ARHGAP25: variants seen among roughly 807,000 people sequenced by gnomAD.
The protein encoded by ARHGAP25 is Rho GTPase activating protein 25, also known as rho GTPase-activating protein 25.
Under a neutral mutation model 71.0 loss-of-function variants are expected in ARHGAP25, and 34 were observed. That is an observed-to-expected ratio of 0.48 (90% CI 0.36 to 0.64). ARHGAP25 has a LOEUF of 0.64. Ranked by LOEUF, ARHGAP25 falls within the 30% of genes least tolerant of loss-of-function variation. The probability of loss-of-function intolerance (pLI) is 0.00; values close to 1 mark genes in which losing one functional copy is unlikely to be tolerated. For missense variants in ARHGAP25, 706 were observed against 805.1 expected (o/e 0.88, Z 1.49); for synonymous variants, 282 against 296.5 (o/e 0.95, Z 0.50).
intron 2 of ARHGAP25, among the ~76,000 whole-genome samples, chr2:68,723,686 C>G (rs1674817786): frequency 6.6e-6 from 1 of 152,192 alleles, no homozygotes; most frequent in Admixed American, 6.5e-5. Flanking sequence ...AGTGATGGCC[C>G]TGGTGTTTTC....
intron 2 of ARHGAP25, 83 bp from the exon 3 acceptor site, chr2:68,782,150 C>T: frequency 8.1e-7 from 1 of 1,240,308 alleles, no homozygotes; most frequent in Non-Finnish European, 1.2e-6. Context: ...CCCATCCCAT[C>T]ATTATCCTAT....
intron 2 of ARHGAP25, among the ~76,000 whole-genome samples, chr2:68,727,998 A>G (rs1372183671): frequency 6.6e-6 from 1 of 152,254 alleles, no homozygotes; most frequent in African/African-American, 2.4e-5. Context: ...CATAGAAAAA[A>G]GTCTGCTGGA....
chr2:68,814,448 G>A (rs1445354232), intron 6 of ARHGAP25, among the ~76,000 whole-genome samples: 1 of 152,086 alleles, frequency 6.6e-6, no homozygotes, highest in Non-Finnish European at 1.5e-5. Flanking sequence ...GTTACATGTG[G>A]CAAGTAACTG....
At chr2:68,760,240 G>A (rs575202671) in intron 1 of ARHGAP25, among the ~76,000 whole-genome samples, 5 of 151,984 alleles carry the variant, frequency 3.3e-5, no homozygotes, top group Non-Finnish European at 7.4e-5. Context: ...CATACTCAAC[G>A]TTGAAAGACT....
At chr2:68,779,303 C>A (rs1168561793) in intron 2 of ARHGAP25, among the ~76,000 whole-genome samples, 2 of 152,118 alleles carry the variant, frequency 1.3e-5, no homozygotes, top group Admixed American at 6.5e-5. Context: ...AAGAGACATG[C>A]AATAGCACCA....
intron 4 of ARHGAP25, among the ~76,000 whole-genome samples, chr2:68,793,514 C>G (rs982914541): frequency 6.6e-6 from 1 of 152,126 alleles, no homozygotes; most frequent in African/African-American, 2.4e-5. Flanking sequence ...TTTCCCAGAA[C>G]CACTTATTGA....
At chr2:68,714,397 A>G (rs1234647321) in intron 2 of ARHGAP25, among the ~76,000 whole-genome samples, 1 of 151,812 alleles carries the variant, frequency 6.6e-6, no homozygotes, top group East Asian at 1.9e-4. Flanking sequence ...TAGTCTGGTT[A>G]GTGGTCTATG....
chr2:68,826,440 C>T lies in ARHGAP25; in HGVS notation c.*246C>T, dbSNP rs1213362988. ...ATGGATTGTTTTATTCCATTCTGGT[C>T]TCAGGCATGACCACGTCCAGTGAAG... On this transcript the variant is annotated 3_prime_UTR_variant, in exon 11 of 11. Coordinates refer to ENST00000409202, the MANE Select transcript of ARHGAP25 (RefSeq NM_001007231.3). 1.0e-5 allele frequency: 6 copies of T among 597,106 alleles called. No individual in the cohort carries two copies. The highest frequency in any genetic ancestry group is 9.2e-5 in the Admixed American group (4 of 43,584). 37.0% of individuals were successfully genotyped at this position (597,106 alleles called of 1,614,324 possible).
intron 1 of ARHGAP25, among the ~76,000 whole-genome samples, chr2:68,771,998 G>A (rs1457023941): frequency 1.3e-5 from 2 of 152,226 alleles, no homozygotes; most frequent in African/African-American, 4.8e-5. Context: ...ACTTACTCCT[G>A]CCTTTGCCAG....
At chr2:68,745,973 G>A (rs1047248088) in intron 1 of ARHGAP25, among the ~76,000 whole-genome samples, 13 of 152,114 alleles carry the variant, frequency 8.5e-5, no homozygotes, top group South Asian at 6.2e-4. Flanking sequence ...GCCCTTTTAC[G>A]AGGATCTTAA....
At chr2:68,718,392 A>G (rs2104252536) in intron 2 of ARHGAP25, among the ~76,000 whole-genome samples, 1 of 152,230 alleles carries the variant, frequency 6.6e-6, no homozygotes, top group South Asian at 2.1e-4. Context: ...TTCTACTTCT[A>G]CAGTCAAATC....
intron 4 of ARHGAP25, among the ~76,000 whole-genome samples, chr2:68,794,025 T>TA: frequency 6.6e-6 from 1 of 152,290 alleles, no homozygotes; most frequent in Non-Finnish European, 1.5e-5. Flanking sequence ...TTATTTTCTA[T>TA]AGCTATTGTA....
intron 4 of ARHGAP25, 119 bp downstream of exon 4, chr2:68,788,075 T>A: frequency 2.5e-6 from 2 of 786,346 alleles, no homozygotes; most frequent in Non-Finnish European, 4.3e-6. Context: ...AAAGCAGTTC[T>A]CTGCATGCCC....
At chr2:68,748,696 A>G (rs988748010) in intron 1 of ARHGAP25, among the ~76,000 whole-genome samples, 1 of 152,168 alleles carries the variant, frequency 6.6e-6, no homozygotes, top group Non-Finnish European at 1.5e-5. Flanking sequence ...GATATTTCTG[A>G]CTTTCTTATG....
chr2:68,799,747 G>A (rs1216169548), intron 4 of ARHGAP25, among the ~76,000 whole-genome samples: 1 of 152,244 alleles, frequency 6.6e-6, no homozygotes, highest in African/African-American at 2.4e-5. Flanking sequence ...AAGTGCTGGG[G>A]GAAGAAGGGC....
chr2:68,824,169 C>CACT (rs1681917332), intron 10 of ARHGAP25, among the ~76,000 whole-genome samples: 1 of 152,230 alleles, frequency 6.6e-6, no homozygotes, highest in East Asian at 1.9e-4. Context: ...TCTGTGACAT[C>CACT]TTGGCAGTGA....
chr2:68,735,300 G>T (rs12992698), intron 1 of ARHGAP25, 40 bp downstream of exon 1: 5 of 1,580,166 alleles, frequency 3.2e-6, no homozygotes, highest in South Asian at 1.1e-5. Flanking sequence ...TGATTCTTAC[G>T]TATACTCGAG....
chr2:68,797,666 C>T (rs895178217), intron 4 of ARHGAP25, among the ~76,000 whole-genome samples: 1 of 152,238 alleles, frequency 6.6e-6, no homozygotes, highest in Non-Finnish European at 1.5e-5. Context: ...CTCCCATGCA[C>T]AGCCTGTAAG....
intron 1 of ARHGAP25, among the ~76,000 whole-genome samples, chr2:68,750,741 C>T (rs1406998078): frequency 1.3e-5 from 2 of 152,232 alleles, no homozygotes; most frequent in Non-Finnish European, 2.9e-5. Context: ...AGGTTCCCTG[C>T]AGACCGGACT....
Sources: allele counts gnomAD v4.1 joint callset (sites outside exome capture counted in the v4.1 genomes callset), GRCh38; gene constraint gnomAD v4.1.1; transcripts MANE v1.5; gene names NCBI Gene and HGNC (gene_info 2026-07-23, HGNC 2026-07-21).